The following TICRR variants were observed in gnomAD, a reference collection of about 807,000 sequenced individuals.
TICRR encodes treslin.
TICRR carries 132 observed loss-of-function variants against 178.1 expected under a neutral mutation model. The observed-to-expected ratio is 0.74, with a 90% confidence interval of 0.64 to 0.86. The LOEUF (loss-of-function observed/expected upper bound fraction) is 0.86. Among genes scored for constraint, TICRR ranks in the 40% least tolerant of loss-of-function variants. The pLI is 0.00. For synonymous variants in TICRR, 991 were observed against 900.7 expected (o/e 1.10, Z -1.79); for missense variants, 2,587 against 2,334.3 (o/e 1.11, Z -2.23).
chr15:89,592,412 TTCG>T (rs1962928571), intron 5 of TICRR, among the ~76,000 whole-genome samples: 1 of 152,126 alleles, frequency 6.6e-6, no homozygotes, highest in South Asian at 2.1e-4. Context: ...ACCAAAGTAA[TTCG>T]TCAAGTTAAA....
intron 13 of TICRR, among the ~76,000 whole-genome samples, chr15:89,605,408 G>T (rs1408550381): frequency 6.6e-6 from 1 of 152,008 alleles, no homozygotes; most frequent in Non-Finnish European, 1.5e-5. Context: ...TCCCTCTGTC[G>T]CCCAGGCTGG....
chr15:89,607,281 TAATG>T (rs1263393419), intron 14 of TICRR, among the ~76,000 whole-genome samples: 1 of 152,126 alleles, frequency 6.6e-6, no homozygotes, highest in African/African-American at 2.4e-5. Flanking sequence ...TTGAGTGTAA[TAATG>T]GCGTTGGGGT....
At chr15:89,585,208 G>C (rs892578220) in intron 3 of TICRR, among the ~76,000 whole-genome samples, 7 of 152,170 alleles carry the variant, frequency 4.6e-5, no homozygotes, top group African/African-American at 1.4e-4. Context: ...CTGAGGAAAA[G>C]GGCACTGGGT....
intron 2 of TICRR, among the ~76,000 whole-genome samples, chr15:89,583,728 T>G (rs962729185): frequency 6.6e-6 from 1 of 152,008 alleles, no homozygotes; most frequent in African/African-American, 2.4e-5. Flanking sequence ...CAGGCTGGAG[T>G]GCAGTGGTAC....
chr15:89,593,807 C>T (rs1962952127), intron 5 of TICRR, among the ~76,000 whole-genome samples: 1 of 152,192 alleles, frequency 6.6e-6, no homozygotes, highest in Non-Finnish European at 1.5e-5. Context: ...CCGTAACTTT[C>T]TTGCACTTTT....
chr15:89,627,084 T>A lies in TICRR; in HGVS notation c.5731T>A (p.Ter1911LysextTer43). ...KLMGTWLEDL* is the reference protein window; with the variant it reads ...KLMGTWLEDLK ...CATGGGAACCTGGCTGGAGGACTTA[T>A]AGCCACAAACATTACTGAGCCCAAA... Residue 1911 changes from the stop codon to lysine (K), a stop_lost, in exon 22 of 22, where the codon TAG becomes AAG. Transcript: ENST00000268138. The A allele has an allele frequency of 6.2e-7, 1 of 1,614,022 alleles. No individual in the cohort carries two copies. Among genetic ancestry groups the A allele is most frequent in the Non-Finnish European group, 8.5e-7 (1 of 1,180,038 alleles).
Position 89,624,696 on chromosome 15 carries a change from G to A in TICRR, c.4386G>A (p.Glu1462=). ...SSPLLITSDT[E]HVTLLSEAEH... ...CTCTGCTCATTACAAGTGACACAGAGCATGTCACTCTCCTCAGTGAAGCCG... is the reference window on the plus strand; with the variant it reads ...CTCTGCTCATTACAAGTGACACAGAACATGTCACTCTCCTCAGTGAAGCCG... The change falls in exon 20 of 22, where the codon GAG becomes GAA. Residue 1462 remains glutamate, a synonymous_variant. Coordinates refer to ENST00000268138, the MANE Select transcript of TICRR (RefSeq NM_152259.4). The A allele has an allele frequency of 6.2e-7, 1 of 1,614,104 alleles. No homozygotes were observed.
chr15:89,624,827 T>A lies in TICRR; in HGVS notation c.4517T>A (p.Ile1506Asn). ...AAGTCTTCTCTGTCTCACCCTGGGA[T>A]TCCCCCATCTCCTCCTTCCTGTGGG... ...AEKSSLSHPG[I>N]PPSPPSCGPG... is the part of the protein sequence containing the mutation. Residue 1506 changes from isoleucine (I) to asparagine (N), a missense_variant, in exon 20 of 22, where the codon ATT becomes AAT. Ile to Asn is a moderately radical substitution (Grantham distance 149). Transcript: ENST00000268138. 1.2e-6 allele frequency: 2 copies of A among 1,614,158 alleles called. No homozygotes were observed. Among genetic ancestry groups the A allele is most frequent in the Non-Finnish European group, 8.5e-7 (1 of 1,180,028 alleles).
chr15:89,625,280 C>G lies in TICRR; in HGVS notation c.4970C>G (p.Pro1657Arg), dbSNP rs202141992. ...CCCACCCACGGCCCTTCTAGTACCC[C>G]CTCTCCATTTCAAACAGATGGGGTT... ...CTPTHGPSSTPSPFQTDGVPW... is the reference protein window; with the variant it reads ...CTPTHGPSSTRSPFQTDGVPW... The change falls in exon 20 of 22, where the codon CCC becomes CGC. Residue 1657 changes from proline (P) to arginine (R), a missense_variant. Physicochemically the swap from Pro to Arg is moderately radical, Grantham distance 103. Coordinates refer to ENST00000268138, the MANE Select transcript of TICRR (RefSeq NM_152259.4). 1.2e-6 allele frequency: 2 copies of G among 1,613,922 alleles called. No homozygotes were observed. Among genetic ancestry groups the G allele is most frequent in the African/African-American group, 2.7e-5 (2 of 74,914 alleles).
At chr15:89,619,635 G>A (rs867130144) in intron 17 of TICRR, 73 bp from the exon 18 acceptor site, 91 of 1,523,952 alleles carry the variant, frequency 6.0e-5, no homozygotes, top group African/African-American at 4.2e-4. Flanking sequence ...AATTTTGCCC[G>A]GTTTTGGACA....
At chr15:89,622,438 A>G (rs1169905827) in intron 19 of TICRR, among the ~76,000 whole-genome samples, 1 of 152,130 alleles carries the variant, frequency 6.6e-6, no homozygotes, top group African/African-American at 2.4e-5. Context: ...CATTCCTCTC[A>G]GTTTGCTTAA....
rs764259445 is a variant in TICRR at position 89,601,990 on chromosome 15, G to C, written c.2567+14G>C. 4 of 1,613,366 alleles carry C rather than the reference G, an allele frequency of 2.5e-6. No individual in the cohort carries two copies. The South Asian group carries it at 4.4e-5, about 18-fold the overall frequency. ...CAAGAAGAGAAGGTAAGAGGTCAAA[G>C]AATCAAAGGAATTATTTGCACTGTT... is the stretch of plus-strand genomic sequence containing the variant. On this transcript the variant is annotated intron_variant, in intron 12 of 21. Transcript: ENST00000268138.
In TICRR at chr15:89,616,637, C is replaced by T. The variant is rs1288868224; in HGVS notation, c.2960+142C>T. 3 of 633,216 alleles carry T rather than the reference C, an allele frequency of 4.7e-6. No individual in the cohort carries two copies. In the African/African-American group the frequency reaches 5.5e-5, roughly 12 times the overall value. The allele number at this position is 633,216 out of a possible 1,614,324, so 39.2% of individuals were successfully genotyped here. On this transcript the variant is annotated intron_variant, in intron 16 of 21. Transcript: ENST00000268138. ...AAAACCAAAGAGCATTCTATAAGCT[C>T]TCCATGGGAGCAGGAGAACCATATA...
At chr15:89,606,414 G>A (rs1963176457) in intron 13 of TICRR, among the ~76,000 whole-genome samples, 1 of 152,184 alleles carries the variant, frequency 6.6e-6, no homozygotes, top group African/African-American at 2.4e-5. Context: ...TGAGTGTTGT[G>A]TTGGCACTCA....
chr15:89,580,704 TATCA>T (rs1264551644), intron 1 of TICRR, among the ~76,000 whole-genome samples: 8 of 152,220 alleles, frequency 5.3e-5, no homozygotes, highest in Non-Finnish European at 8.8e-5. Context: ...TCAGAGAATC[TATCA>T]AAGTCCGTCA....
At chr15:89,621,807 C>T (rs1397208702) in intron 19 of TICRR, among the ~76,000 whole-genome samples, 1 of 152,064 alleles carries the variant, frequency 6.6e-6, no homozygotes, top group Admixed American at 6.5e-5. Flanking sequence ...GCTTTGTCTA[C>T]TGTTTATATT....
chr15:89,585,418 GATA>G lies in TICRR; in HGVS notation c.1177-284_1177-282del, dbSNP rs371275223. 8.3e-4 allele frequency among the ~76,000 whole-genome samples: 126 copies of G among 152,254 alleles called. No individual in the cohort carries two copies. In the East Asian group the frequency reaches 0.021, roughly 25 times the overall value. On this transcript the variant is annotated intron_variant, in intron 3 of 21. Coordinates refer to ENST00000268138, the MANE Select transcript of TICRR (RefSeq NM_152259.4). The stretch of plus-strand genomic sequence containing the variant: ...CTCAATCCCTCCTTTATAAAATGGG[GATA>G]ATAATTATTTTTACCTCAGGGCGAT...
intron 7 of TICRR, 98 bp from the exon 8 acceptor site, chr15:89,599,226 G>C (rs1313724753): frequency 1.1e-6 from 1 of 949,976 alleles, no homozygotes; most frequent in Non-Finnish European, 1.5e-6. Flanking sequence ...AATGTTCCCT[G>C]CAAGGAAATA....
intron 18 of TICRR, among the ~76,000 whole-genome samples, chr15:89,620,608 G>A (rs1041358481): frequency 6.6e-6 from 1 of 152,114 alleles, no homozygotes; most frequent in African/African-American, 2.4e-5. Flanking sequence ...AATTAAAAAA[G>A]GCAGCAGTTG....
Sources: allele counts gnomAD v4.1 joint callset (sites outside exome capture counted in the v4.1 genomes callset), GRCh38; gene constraint gnomAD v4.1.1; transcripts MANE v1.5; gene names NCBI Gene and HGNC (gene_info 2026-07-23, HGNC 2026-07-21).